Variants in INPP5A observed in about 807,000 individuals in gnomAD.
INPP5A encodes the protein inositol polyphosphate-5-phosphatase A.
INPP5A carries 14 observed loss-of-function variants against 65.2 expected under a neutral mutation model. That is an observed-to-expected ratio of 0.21 (90% confidence interval 0.14 to 0.34). The LOEUF (loss-of-function observed/expected upper bound fraction) is 0.34. INPP5A is among the 10% of genes least tolerant of loss of function. The probability of loss-of-function intolerance (pLI) is 1.00; values close to 1 mark genes in which losing one functional copy is unlikely to be tolerated. For missense variants in INPP5A, 431 were observed against 545.6 expected, an observed-to-expected ratio of 0.79 and a Z score of 2.09; for synonymous variants, 207 against 208.3, an observed-to-expected ratio of 0.99 and a Z score of 0.05.
chr10:132,541,004 T>C (rs2070899622), intron 1 of INPP5A, among the ~76,000 whole-genome samples: 1 of 146,444 alleles, frequency 6.8e-6, no homozygotes, highest in African/African-American at 2.5e-5. Context: ...CTCTTGTTTT[T>C]GTTTTAGACA....
intron 8 of INPP5A, among the ~76,000 whole-genome samples, chr10:132,725,690 G>C (rs1216724732): frequency 6.6e-6 from 1 of 152,204 alleles, no homozygotes; most frequent in Admixed American, 6.5e-5. Flanking sequence ...CCTGCCTGTG[G>C]ACAGCTGTGC....
chr10:132,635,630 C>T (rs1164946467), intron 2 of INPP5A, among the ~76,000 whole-genome samples: 5 of 151,518 alleles, frequency 3.3e-5, no homozygotes, highest in East Asian at 1.9e-4. Flanking sequence ...CTCCTGACCT[C>T]GTGACCCGCC....
chr10:132,689,076 G>A (rs1845210322), intron 4 of INPP5A, among the ~76,000 whole-genome samples: 1 of 152,248 alleles, frequency 6.6e-6, no homozygotes, highest in Non-Finnish European at 1.5e-5. Flanking sequence ...GTACATGAAT[G>A]TGCAAGAGTG....
At chr10:132,719,647 G>T (rs1278495004) in intron 8 of INPP5A, among the ~76,000 whole-genome samples, 2 of 148,052 alleles carry the variant, frequency 1.4e-5, no homozygotes, top group Non-Finnish European at 3.0e-5. Flanking sequence ...GGGTTCTGTG[G>T]TACCTGGGTT....
rs942114455 is a variant in INPP5A, at chr10:132,706,675, G to A, written c.475-1638G>A. Among the ~76,000 whole-genome samples the A allele has an allele frequency of 2.6e-5, 4 of 152,172 alleles. No homozygotes were observed. The highest frequency in any genetic ancestry group is 3.2e-3 in the Middle Eastern group (1 of 316). On this transcript the variant is annotated intron_variant, in intron 6 of 15. Transcript: ENST00000368594. The surrounding 1 kb of genome is among the most constrained non-coding windows in gnomAD (Gnocchi z 4.7). ...TGGGAGCACTTAGGGAGGGGGCAGG[G>A]AGCACTTGTGGTGGGGGCAGGCAAA... is the stretch of plus-strand genomic sequence containing the variant.
intron 8 of INPP5A, among the ~76,000 whole-genome samples, chr10:132,715,947 C>T (rs1452266527): frequency 2.0e-5 from 3 of 152,216 alleles, no homozygotes; most frequent in Non-Finnish European, 4.4e-5. Flanking sequence ...TGCCCTCTGC[C>T]GTTCCGCTGC....
chr10:132,561,553 A>G (rs943816518), intron 1 of INPP5A, among the ~76,000 whole-genome samples: 2 of 152,116 alleles, frequency 1.3e-5, no homozygotes, highest in Non-Finnish European at 2.9e-5. Flanking sequence ...TTCATTATCT[A>G]TGTGTCTGTC....
At chr10:132,684,921 G>A (rs1043591172) in intron 4 of INPP5A, among the ~76,000 whole-genome samples, 34 of 152,180 alleles carry the variant, frequency 2.2e-4, no homozygotes, top group African/African-American at 7.0e-4. Context: ...AGTGGGCTGC[G>A]TATGAGGGGA....
At chr10:132,542,632 C>A (rs1226799723) in intron 1 of INPP5A, among the ~76,000 whole-genome samples, 3 of 152,138 alleles carry the variant, frequency 2.0e-5, no homozygotes, top group African/African-American at 7.3e-5. Context: ...TCTGCCCCAG[C>A]ACTCCTGCAC....
intron 8 of INPP5A, among the ~76,000 whole-genome samples, chr10:132,725,952 C>G (rs559166250): frequency 6.6e-6 from 1 of 152,134 alleles, no homozygotes; most frequent in Non-Finnish European, 1.5e-5. Flanking sequence ...CAAGGGTTCT[C>G]GTGTTGCTTT....
rs1484563739 is a variant in INPP5A at position 132,607,960 on chromosome 10, A to G, written c.117+4A>G. 1 of 1,612,048 alleles carries G rather than the reference A, an allele frequency of 6.2e-7. No homozygotes were observed. Among genetic ancestry groups the G allele is most frequent in the South Asian group, 1.1e-5 (1 of 91,074 alleles). Reference sequence around the variant, plus strand: ...CTGGCTTCGGGAATTTTACCAGGTAAGAACCACTGAAACGTGTTCTTTTGG... The same window carrying G: ...CTGGCTTCGGGAATTTTACCAGGTAGGAACCACTGAAACGTGTTCTTTTGG... On this transcript the variant is annotated splice_donor_region_variant and intron_variant, in intron 2 of 15. Coordinates refer to ENST00000368594, the MANE Select transcript of INPP5A (RefSeq NM_005539.5).
intron 1 of INPP5A, among the ~76,000 whole-genome samples, chr10:132,607,130 C>G (rs1342156936): frequency 6.6e-6 from 1 of 152,202 alleles, no homozygotes; most frequent in Non-Finnish European, 1.5e-5. Flanking sequence ...GGAGCTGGCA[C>G]AGAGCCCAGG....
chr10:132,711,307 C>T (rs575422151), intron 8 of INPP5A, among the ~76,000 whole-genome samples: 52 of 152,300 alleles, frequency 3.4e-4, no homozygotes, highest in East Asian at 1.7e-3. Flanking sequence ...TCTTGGGGCC[C>T]GTGTCCCTCC....
chr10:132,636,527 G>A (rs1298108123), intron 2 of INPP5A, among the ~76,000 whole-genome samples: 1 of 152,210 alleles, frequency 6.6e-6, no homozygotes, highest in Non-Finnish European at 1.5e-5. Flanking sequence ...CTGGTTTGCA[G>A]CCCAAGCCAG....
intron 12 of INPP5A, among the ~76,000 whole-genome samples, chr10:132,775,937 C>T (rs1043012231): frequency 1.3e-5 from 2 of 152,168 alleles, no homozygotes; most frequent in African/African-American, 4.8e-5. Context: ...TAGAAGTCAC[C>T]TATTGTGTGC....
intron 2 of INPP5A, among the ~76,000 whole-genome samples, chr10:132,619,382 T>C (rs2072082865): frequency 6.6e-6 from 1 of 152,232 alleles, no homozygotes; most frequent in Non-Finnish European, 1.5e-5. Flanking sequence ...AGGGGTGGGC[T>C]TCTATGGCCT....
chr10:132,764,962 G>A (rs528418202), intron 11 of INPP5A, among the ~76,000 whole-genome samples: 8 of 147,078 alleles, frequency 5.4e-5, no homozygotes, highest in South Asian at 2.2e-4. Flanking sequence ...GAACACGGTC[G>A]GGTCAGTCCT....
intron 12 of INPP5A, among the ~76,000 whole-genome samples, chr10:132,771,173 C>T (rs1245477428): frequency 6.6e-5 from 10 of 152,146 alleles, no homozygotes; most frequent in Non-Finnish European, 1.0e-4. Context: ...GATGCAGGCA[C>T]GCTCCCCTGA....
rs921157591 is a variant in INPP5A, at chr10:132,705,409, C to T, written c.475-2904C>T. Among the ~76,000 whole-genome samples, 7 of 152,236 alleles carry T rather than the reference C, an allele frequency of 4.6e-5. No homozygotes were observed. The highest frequency in any genetic ancestry group is 1.3e-4 in the Admixed American group (2 of 15,290). On this transcript the variant is annotated intron_variant, in intron 6 of 15. Transcript: ENST00000368594. This position sits in a 1 kb window ranked among gnomAD's most constrained non-coding sequence, Gnocchi z 4.9. The stretch of plus-strand genomic sequence containing the variant: ...GCCTGGGGATGCCTTGGCCAGCCTC[C>T]TGGAGCTTTGGCACAGCCCATGTTG...
Sources: gnomAD v4.1 joint callset for allele counts (sites outside exome capture counted in the v4.1 genomes callset) on GRCh38, gnomAD v4.1.1 for gene constraint, Gnocchi (gnomAD v3.1) non-coding constraint, MANE v1.5 for transcripts, NCBI Gene and HGNC (gene_info 2026-07-23, HGNC 2026-07-21) for gene names.